FSIP2: variants seen among roughly 807,000 people sequenced by gnomAD.
The protein encoded by FSIP2 is fibrous sheath-interacting protein 2.
Under a neutral mutation model 510.5 loss-of-function variants are expected in FSIP2, and 367 were observed. The ratio of observed to expected loss-of-function variants is 0.72; its 90% CI spans 0.66 to 0.78. The LOEUF (loss-of-function observed/expected upper bound fraction) is 0.78. FSIP2 is among the 30% of genes least tolerant of loss of function. The probability of loss-of-function intolerance (pLI) is 0.00; values close to 1 mark genes in which losing one functional copy is unlikely to be tolerated. For missense variants in FSIP2, 7,594 were observed against 7,901.7 expected (o/e 0.96, Z 1.48); for synonymous variants, 2,601 against 2,732.2 (o/e 0.95, Z 1.50).
In FSIP2 at chr2:185,803,695, ATAGT is replaced by A; in HGVS notation, c.14392_14395del (p.Val4798LeufsTer7). On this transcript the variant is annotated frameshift_variant, in exon 17 of 23. Transcript: ENST00000424728. LOFTEE classifies it high-confidence loss of function. The stretch of plus-strand genomic sequence containing the variant: ...GTTATCACATAGTCATTTGGAAAAA[ATAGT>A]TACTCAGCTTACATCTCAGATAAGT... 2 of 1,532,616 alleles carry A rather than the reference ATAGT, an allele frequency of 1.3e-6. No homozygotes were observed. The highest frequency in any genetic ancestry group is 2.5e-5 in the East Asian group (1 of 40,772). 94.9% of individuals were successfully genotyped at this position (1,532,616 alleles called of 1,614,324 possible).
chr2:185,827,010 A>T (rs1249702368), intron 20 of FSIP2, among the ~76,000 whole-genome samples: 1 of 151,826 alleles, frequency 6.6e-6, no homozygotes, highest in Non-Finnish European at 1.5e-5. Context: ...TCTTCATCAA[A>T]ACAACTTCCT....
intron 12 of FSIP2, among the ~76,000 whole-genome samples, chr2:185,763,490 C>T (rs576530678): frequency 2.5e-4 from 38 of 151,648 alleles, no homozygotes; most frequent in Non-Finnish European, 1.2e-4. Context: ...GTTCATGGTA[C>T]GTATCTACAA....
At chr2:185,742,860 CTCTTT>C (rs1371730643) in intron 2 of FSIP2, among the ~76,000 whole-genome samples, 6 of 152,230 alleles carry the variant, frequency 3.9e-5, no homozygotes, top group African/African-American at 1.4e-4. Flanking sequence ...TTTTCCTCTT[CTCTTT>C]TCTTATTTGG....
rs1006171756 is a variant in FSIP2, at chr2:185,807,784, A to G, written c.18478A>G (p.Thr6160Ala). The G allele has an allele frequency of 9.9e-6, 16 of 1,612,436 alleles. No homozygotes were observed. Among genetic ancestry groups the G allele is most frequent in the Admixed American group, 1.7e-5 (1 of 59,782 alleles). The change falls in exon 17 of 23, where the codon ACT (threonine) becomes GCT (alanine). Residue 6160 changes from threonine (T) to alanine (A), a missense_variant. Thr to Ala is a moderately conservative substitution (Grantham distance 58, BLOSUM62 0). Transcript: ENST00000424728. ...VEKILKDVFQ[T>A]TDVPLPKPSH... The stretch of plus-strand genomic sequence containing the variant: ...AAAGATCCTTAAAGATGTTTTCCAA[A>G]CTACTGATGTGCCCCTACCTAAACC...
chr2:185,782,846 G>A, intron 14 of FSIP2, 84 bp downstream of exon 14: 1 of 752,868 alleles, frequency 1.3e-6, no homozygotes, highest in Admixed American at 2.2e-5. Flanking sequence ...TGATTCCATG[G>A]AATCCTCCAT....
chr2:185,779,351 G>A (rs1434918882), intron 13 of FSIP2, among the ~76,000 whole-genome samples: 4 of 149,552 alleles, frequency 2.7e-5, no homozygotes, highest in African/African-American at 9.8e-5. Flanking sequence ...ATTTCTTTTA[G>A]CATTTACCCT....
At chr2:185,827,927 A>G (rs895540591) in intron 20 of FSIP2, among the ~76,000 whole-genome samples, 2 of 151,852 alleles carry the variant, frequency 1.3e-5, no homozygotes, top group Admixed American at 6.6e-5. Flanking sequence ...TTCATCTGTC[A>G]TAATTTCTAA....
In FSIP2 at chr2:185,791,301, A is replaced by T; in HGVS notation, c.4165A>T (p.Ser1389Cys). The T allele has an allele frequency of 6.5e-7, 1 of 1,534,158 alleles. No individual in the cohort carries two copies. The highest frequency in any genetic ancestry group is 8.7e-7 in the Non-Finnish European group (1 of 1,145,572). ...SSRKPKSATD[S>C]VDVQSILPNR... Reference sequence around the variant, plus strand: ...TCGTAAGCCAAAGTCTGCAACTGACAGTGTTGATGTACAAAGCATTTTGCC... The same window carrying T: ...TCGTAAGCCAAAGTCTGCAACTGACTGTGTTGATGTACAAAGCATTTTGCC... Residue 1389 changes from serine to cysteine, a missense_variant, in exon 16 of 23, where the codon AGT becomes TGT. Coordinates refer to ENST00000424728, the MANE Select transcript of FSIP2 (RefSeq NM_173651.4).
chr2:185,778,715 C>G (rs1305538670), intron 13 of FSIP2, among the ~76,000 whole-genome samples: 1 of 151,850 alleles, frequency 6.6e-6, no homozygotes, highest in Admixed American at 6.6e-5. Context: ...GAATATTGCT[C>G]AATTTGGGAT....
Position 185,738,874 on chromosome 2 carries a change from G to GC in FSIP2, c.-20dup. On this transcript the variant is annotated 5_prime_UTR_variant, in exon 1 of 23. Coordinates refer to ENST00000424728, the MANE Select transcript of FSIP2 (RefSeq NM_173651.4). ...GGAGAGCGGGGCGGGTGAGGAAGGGGCTGAGGGGGCTGTGCCGGCCATGGA... is the reference window on the plus strand; with the variant it reads ...GGAGAGCGGGGCGGGTGAGGAAGGGGCCTGAGGGGGCTGTGCCGGCCATGGA... The GC allele has an allele frequency of 1.3e-6, 2 of 1,518,102 alleles. No homozygotes were observed. The highest frequency in any genetic ancestry group is 1.8e-6 in the Non-Finnish European group (2 of 1,138,464). The allele number at this position is 1,518,102 out of a possible 1,614,324, so 94.0% of individuals were successfully genotyped here.
Position 185,808,076 on chromosome 2 carries a change from A to T in FSIP2, c.18770A>T (p.Tyr6257Phe). The T allele has an allele frequency of 6.2e-7, 1 of 1,608,288 alleles. No individual in the cohort carries two copies. Reference sequence around the variant, plus strand: ...ATTGAAAACATAGTTAATTCTATTTATACCAGTGTTTTAAAGCACTCTGGC... The same window carrying T: ...ATTGAAAACATAGTTAATTCTATTTTTACCAGTGTTTTAAAGCACTCTGGC... ...ATIENIVNSI[Y>F]TSVLKHSGSY... Residue 6257 changes from tyrosine (Y) to phenylalanine (F), a missense_variant, in exon 17 of 23, where the codon TAT (tyrosine) becomes TTT (phenylalanine). By Grantham distance (22) the Tyr-to-Phe change is conservative (BLOSUM62 3). Coordinates refer to ENST00000424728, the MANE Select transcript of FSIP2 (RefSeq NM_173651.4).
intron 11 of FSIP2, among the ~76,000 whole-genome samples, chr2:185,762,827 T>C (rs1249142242): frequency 6.6e-6 from 1 of 151,528 alleles, no homozygotes; most frequent in Non-Finnish European, 1.5e-5. Context: ...CAGCTTTGTT[T>C]ATTTCACTAT....
rs1214867785 is a variant in FSIP2 at position 185,800,914 on chromosome 2, A to G, written c.11608A>G (p.Asn3870Asp). The G allele has an allele frequency of 6.5e-7, 1 of 1,532,666 alleles. No homozygotes were observed. The highest frequency in any genetic ancestry group is 2.4e-5 in the East Asian group (1 of 40,826). 94.9% of individuals were successfully genotyped at this position (1,532,666 alleles called of 1,614,324 possible). Residue 3870 changes from asparagine to aspartate, a missense_variant, in exon 17 of 23, where the codon AAT (asparagine) becomes GAT (aspartate). Transcript: ENST00000424728. ...QQAPESLPFANKHLNYRTREI... is the reference protein window; with the variant it reads ...QQAPESLPFADKHLNYRTREI... ...AGCTCCGGAAAGTCTACCTTTTGCA[A>G]ATAAGCATTTGAACTACAGAACAAG... is the stretch of plus-strand genomic sequence containing the variant.
chr2:185,825,741 T>G (rs1694003415), intron 20 of FSIP2, among the ~76,000 whole-genome samples: 1 of 151,812 alleles, frequency 6.6e-6, no homozygotes, highest in African/African-American at 2.4e-5. Context: ...ATCCAAAGAT[T>G]TGCTGAGTGT....
At position 185,763,274 on chromosome 2, in the gene FSIP2, T is replaced by C; in HGVS notation, c.1332T>C (p.Asp444=). ...NFSRVSQAFL[D]PSKEEKETNA... ...CCAGAGTTTCACAGGCATTTTTGGA[T>C]CCTTCAAAAGAAGAGGTATATAACA... Residue 444 remains aspartate (D), a synonymous_variant, in exon 12 of 23, where the codon GAT becomes GAC. Coordinates refer to ENST00000424728, the MANE Select transcript of FSIP2 (RefSeq NM_173651.4). 6.8e-7 allele frequency: 1 copy of C among 1,462,064 alleles called. No individual in the cohort carries two copies. The highest frequency in any genetic ancestry group is 9.3e-7 in the Non-Finnish European group (1 of 1,080,016). The allele number at this position is 1,462,064 out of a possible 1,614,324, so 90.6% of individuals were successfully genotyped here. A position where few individuals can be genotyped will look rare whatever the true frequency, so the allele number is the denominator to read the frequency against.
At position 185,802,533 on chromosome 2, in the gene FSIP2, T is replaced by C. The variant is rs1266024617; in HGVS notation, c.13227T>C (p.Ile4409=). 6.5e-7 allele frequency: 1 copy of C among 1,530,906 alleles called. No homozygotes were observed. The highest frequency in any genetic ancestry group is 2.5e-5 in the East Asian group (1 of 40,814). 94.8% of individuals were successfully genotyped at this position (1,530,906 alleles called of 1,614,324 possible). A position where few individuals can be genotyped will look rare whatever the true frequency, so the allele number is the denominator to read the frequency against. ...GIFVENITNL[I]VAAISDYLLH... ...TTGTGGAAAATATTACCAATTTAAT[T>C]GTAGCAGCTATTTCAGATTACCTTC... The change falls in exon 17 of 23, where the codon ATT becomes ATC. Residue 4409 remains isoleucine, a synonymous_variant. Transcript: ENST00000424728.
chr2:185,809,036 G>T lies in FSIP2; in HGVS notation c.19730G>T (p.Arg6577Ile), dbSNP rs772859014. Residue 6577 changes from arginine (R) to isoleucine (I), a missense_variant, in exon 17 of 23, where the codon AGA (arginine) becomes ATA (isoleucine). Coordinates refer to ENST00000424728, the MANE Select transcript of FSIP2 (RefSeq NM_173651.4). ...CTGAGAAGAGCATCAATAAGTGGGA[G>T]AAATTACTCCTTAGGATCACCTGAT... is the stretch of plus-strand genomic sequence containing the variant. Reference protein sequence around the residue: ...AELRRASISGRNYSLGSPDLE... With the variant: ...AELRRASISGINYSLGSPDLE... 1 of 1,612,278 alleles carries T rather than the reference G, an allele frequency of 6.2e-7. No homozygotes were observed. The highest frequency in any genetic ancestry group is 1.3e-5 in the African/African-American group (1 of 74,804).
intron 13 of FSIP2, among the ~76,000 whole-genome samples, chr2:185,773,295 T>A (rs1692647626): frequency 6.6e-6 from 1 of 152,210 alleles, no homozygotes; most frequent in Admixed American, 6.5e-5. Context: ...AGCACTATTT[T>A]TCTTTCAAAA....
chr2:185,742,689 G>T (rs1487130219), intron 2 of FSIP2, among the ~76,000 whole-genome samples: 1 of 152,044 alleles, frequency 6.6e-6, no homozygotes, highest in Non-Finnish European at 1.5e-5. Flanking sequence ...GAAACATTTT[G>T]TTATTTTTGT....
Sources: gnomAD v4.1 joint callset for allele counts (sites outside exome capture counted in the v4.1 genomes callset) on GRCh38, gnomAD v4.1.1 for gene constraint, MANE v1.5 for transcripts, NCBI Gene and HGNC (gene_info 2026-07-23, HGNC 2026-07-21) for gene names.